The following JAZF1 variants were observed in gnomAD, a reference collection of about 807,000 sequenced individuals.
The protein encoded by JAZF1 is JAZF zinc finger 1, also known as juxtaposed with another zinc finger protein 1.
In JAZF1, 8 loss-of-function variants were observed where a neutral mutation model predicts 26.4. The observed-to-expected ratio is 0.30, with a 90% CI of 0.18 to 0.55. The LOEUF is 0.55. Among genes scored for constraint, JAZF1 ranks in the 20% least tolerant of loss-of-function variants. JAZF1 has a pLI of 0.94. For missense variants in JAZF1, 199 were observed against 322.0 expected, an observed-to-expected ratio of 0.62 and a Z score of 2.92; for synonymous variants, 126 against 122.3, an observed-to-expected ratio of 1.03 and a Z score of -0.20.
At chr7:28,090,261 C>G (rs1784273390) in intron 1 of JAZF1, among the ~76,000 whole-genome samples, 1 of 152,182 alleles carries the variant, frequency 6.6e-6, no homozygotes. Flanking sequence ...CTTATGAACT[C>G]AATGAACATT....
chr7:27,933,237 G>C (rs1031671294), intron 2 of JAZF1, among the ~76,000 whole-genome samples: 1 of 152,210 alleles, frequency 6.6e-6, no homozygotes, highest in Non-Finnish European at 1.5e-5. Flanking sequence ...GATATATGAT[G>C]TGATATGAGC....
intron 1 of JAZF1, among the ~76,000 whole-genome samples, chr7:28,095,071 C>A (rs1045834385): frequency 5.9e-5 from 9 of 152,310 alleles, no homozygotes; most frequent in South Asian, 4.1e-4. Context: ...GAAGCTCCCA[C>A]AGCACCAAAG....
chr7:28,108,765 C>T (rs1004062250), intron 1 of JAZF1, among the ~76,000 whole-genome samples: 4 of 152,176 alleles, frequency 2.6e-5, no homozygotes, highest in East Asian at 1.9e-4. Context: ...TGTTCACTGA[C>T]GCATTATTCT....
At chr7:27,983,883 T>A (rs545732084) in intron 2 of JAZF1, among the ~76,000 whole-genome samples, 1 of 152,308 alleles carries the variant, frequency 6.6e-6, no homozygotes, top group African/African-American at 2.4e-5. Flanking sequence ...TAAAATCCTT[T>A]ACAGACAAGC....
chr7:28,033,887 C>T (rs1783235692), intron 1 of JAZF1, among the ~76,000 whole-genome samples: 1 of 152,114 alleles, frequency 6.6e-6, no homozygotes, highest in African/African-American at 2.4e-5. Context: ...GGATTACAGG[C>T]ACCGCCACTA....
chr7:28,072,130 T>A (rs1370839659), intron 1 of JAZF1, among the ~76,000 whole-genome samples: 1 of 152,220 alleles, frequency 6.6e-6, no homozygotes, highest in Admixed American at 6.5e-5. Context: ...TTGGATCTCA[T>A]TAAAAATATG....
chr7:28,095,704 G>T (rs1784372668), intron 1 of JAZF1, among the ~76,000 whole-genome samples: 1 of 152,176 alleles, frequency 6.6e-6, no homozygotes, highest in South Asian at 2.1e-4. Context: ...AGGTAATCAT[G>T]GTCCCCTCCG....
At chr7:27,852,077 T>C (rs1461463338) in intron 3 of JAZF1, among the ~76,000 whole-genome samples, 1 of 152,100 alleles carries the variant, frequency 6.6e-6, no homozygotes, top group African/African-American at 2.4e-5. Flanking sequence ...CTGTGTTTCC[T>C]TGCCTAGACT....
intron 1 of JAZF1, among the ~76,000 whole-genome samples, chr7:28,084,979 A>C (rs2127918221): frequency 6.6e-6 from 1 of 152,310 alleles, no homozygotes; most frequent in East Asian, 1.9e-4. Context: ...GCATGTTTGC[A>C]CACCTCAGGA....
At chr7:27,856,350 G>C (rs1328567674) in intron 3 of JAZF1, among the ~76,000 whole-genome samples, 1 of 152,240 alleles carries the variant, frequency 6.6e-6, no homozygotes, top group African/African-American at 2.4e-5. Context: ...TTCACAGTGA[G>C]TGTTACAGCT....
chr7:27,855,131 C>G (rs1783222411), intron 3 of JAZF1, among the ~76,000 whole-genome samples: 4 of 152,014 alleles, frequency 2.6e-5, no homozygotes, highest in African/African-American at 2.4e-5. Context: ...TCCCTGACAT[C>G]CTTTCTTCTG....
chr7:28,051,528 T>C (rs1337002902), intron 1 of JAZF1, among the ~76,000 whole-genome samples: 1 of 152,098 alleles, frequency 6.6e-6, no homozygotes, highest in African/African-American at 2.4e-5. Context: ...ATAATATTCT[T>C]ACAATAAATA....
At chr7:28,073,925 C>T (rs867109594) in intron 1 of JAZF1, among the ~76,000 whole-genome samples, 22 of 151,330 alleles carry the variant, frequency 1.5e-4, no homozygotes, top group African/African-American at 4.6e-4. Context: ...AACCTAAATG[C>T]CAAGTAAATT....
chr7:27,837,488 G>A (rs1782837460), intron 4 of JAZF1, among the ~76,000 whole-genome samples: 1 of 152,250 alleles, frequency 6.6e-6, no homozygotes, highest in Non-Finnish European at 1.5e-5. Context: ...TCACATCTGA[G>A]ACATGTGCTG....
intron 1 of JAZF1, among the ~76,000 whole-genome samples, chr7:28,007,983 C>T (rs1782733848): frequency 6.6e-6 from 1 of 152,090 alleles, no homozygotes; most frequent in Non-Finnish European, 1.5e-5. Flanking sequence ...TGATGGAAAT[C>T]AGAACCCACG....
At chr7:28,032,784 G>A (rs1783213548) in intron 1 of JAZF1, among the ~76,000 whole-genome samples, 1 of 152,092 alleles carries the variant, frequency 6.6e-6, no homozygotes, top group Non-Finnish European at 1.5e-5. Flanking sequence ...AGAGACCCCA[G>A]GACCAGGCCA....
intron 1 of JAZF1, among the ~76,000 whole-genome samples, chr7:28,142,521 C>A (rs901830169): frequency 6.6e-6 from 1 of 152,130 alleles, no homozygotes; most frequent in Non-Finnish European, 1.5e-5. Flanking sequence ...GGAGGTGACT[C>A]CATGAGTACT....
chr7:28,040,331 G>C (rs1374647695), intron 1 of JAZF1, among the ~76,000 whole-genome samples: 1 of 152,220 alleles, frequency 6.6e-6, no homozygotes, highest in African/African-American at 2.4e-5. Context: ...GCAAGGTCCT[G>C]TTCTTGTGCA....
intron 1 of JAZF1, among the ~76,000 whole-genome samples, chr7:28,154,460 AT>A: frequency 1.3e-5 from 2 of 152,204 alleles, no homozygotes; most frequent in Non-Finnish European, 2.9e-5. Context: ...ACTTAACCTC[AT>A]ATCCAATAGT....
Sources: gnomAD v4.1 joint callset for allele counts (sites outside exome capture counted in the v4.1 genomes callset) on GRCh38, gnomAD v4.1.1 for gene constraint, MANE v1.5 for transcripts, NCBI Gene and HGNC (gene_info 2026-07-23, HGNC 2026-07-21) for gene names.